The following AKIRIN2 variants were observed in gnomAD, a reference collection of about 807,000 sequenced individuals.
The protein encoded by AKIRIN2 is akirin 2.
Under a neutral mutation model 29.3 loss-of-function variants are expected in AKIRIN2, and 6 were observed. That is an observed-to-expected ratio of 0.20 (90% CI 0.11 to 0.40). The LOEUF (loss-of-function observed/expected upper bound fraction) is 0.40, where lower values mean the gene tolerates loss of function less well. AKIRIN2 is among the 10% of genes least tolerant of loss of function. AKIRIN2 has a pLI of 1.00. For synonymous variants in AKIRIN2, 128 were observed against 117.5 expected, an observed-to-expected ratio of 1.09 and a Z score of -0.58; for missense variants, 210 against 276.1, an observed-to-expected ratio of 0.76 and a Z score of 1.70.
intron 1 of AKIRIN2, among the ~76,000 whole-genome samples, chr6:87,691,334 G>A (rs2128302302): frequency 6.6e-6 from 1 of 151,496 alleles, no homozygotes; most frequent in East Asian, 1.9e-4. Flanking sequence ...CCAGCTACTT[G>A]GGTGGCTGAG....
intron 2 of AKIRIN2, among the ~76,000 whole-genome samples, chr6:87,681,146 T>G (rs1771112769): frequency 6.6e-6 from 1 of 152,166 alleles, no homozygotes; most frequent in Admixed American, 6.5e-5. Context: ...CAAGTGATTC[T>G]CATGCCTCAG....
At chr6:87,683,366 G>A (rs761215894) in intron 1 of AKIRIN2, among the ~76,000 whole-genome samples, 4 of 152,044 alleles carry the variant, frequency 2.6e-5, no homozygotes, top group Non-Finnish European at 4.4e-5. Flanking sequence ...TGTTTAATAC[G>A]GGTTATGCTC....
intron 1 of AKIRIN2, among the ~76,000 whole-genome samples, chr6:87,690,261 T>A (rs1435562165): frequency 6.6e-6 from 1 of 152,140 alleles, no homozygotes; most frequent in Non-Finnish European, 1.5e-5. Flanking sequence ...GAACATTTTT[T>A]AAAAAGTGGT....
chr6:87,699,153 T>G (rs1188559092), intron 1 of AKIRIN2, among the ~76,000 whole-genome samples: 1 of 152,144 alleles, frequency 6.6e-6, no homozygotes, highest in Non-Finnish European at 1.5e-5. Context: ...AGTTTAAGAA[T>G]AATCGGTGTT....
chr6:87,680,146 A>G (rs1771093824), intron 2 of AKIRIN2, among the ~76,000 whole-genome samples: 1 of 152,192 alleles, frequency 6.6e-6, no homozygotes, highest in South Asian at 2.1e-4. Context: ...TTTCCTGCTA[A>G]TACAGTCTAG....
In AKIRIN2 at chr6:87,701,436, G is replaced by A; in HGVS notation, c.235+14C>T. On this transcript the variant is annotated intron_variant, in intron 1 of 4. Coordinates refer to ENST00000257787, the MANE Select transcript of AKIRIN2 (RefSeq NM_018064.4). ...TCTCTCCACTACCCCGGCGGCCGCG[G>A]GGCCGGGTCCCACCTGTGGTGAGGC... 1 of 1,531,232 alleles carries A rather than the reference G, an allele frequency of 6.5e-7. No homozygotes were observed. Among genetic ancestry groups the A allele is most frequent in the Non-Finnish European group, 8.8e-7 (1 of 1,141,164 alleles). The allele number at this position is 1,531,232 out of a possible 1,614,324, so 94.9% of individuals were successfully genotyped here.
At chr6:87,699,785 T>C (rs1010336715) in intron 1 of AKIRIN2, among the ~76,000 whole-genome samples, 1 of 152,206 alleles carries the variant, frequency 6.6e-6, no homozygotes, top group African/African-American at 2.4e-5. Flanking sequence ...TAGTCCCCAA[T>C]TGTTCACATA....
At chr6:87,677,006 A>G (rs1771022023) in intron 3 of AKIRIN2, among the ~76,000 whole-genome samples, 1 of 149,316 alleles carries the variant, frequency 6.7e-6, no homozygotes, top group South Asian at 2.1e-4. Flanking sequence ...GAACCCGGAA[A>G]GTAGAGCTTG....
At chr6:87,676,618 C>T (rs13197815) in intron 3 of AKIRIN2, among the ~76,000 whole-genome samples, 1 of 107,772 alleles carries the variant, frequency 9.3e-6, no homozygotes, top group Non-Finnish European at 2.1e-5. Flanking sequence ...CACACACACA[C>T]ACACACACAA....
intron 3 of AKIRIN2, among the ~76,000 whole-genome samples, chr6:87,676,594 A>AC (rs1562395522): frequency 1.5e-5 from 1 of 66,004 alleles, no homozygotes; most frequent in African/African-American, 8.3e-5. Flanking sequence ...GTCTCTACTA[A>AC]AAACACACAC....
intron 1 of AKIRIN2, among the ~76,000 whole-genome samples, chr6:87,685,712 G>A (rs1429054484): frequency 6.6e-6 from 1 of 152,078 alleles, no homozygotes; most frequent in African/African-American, 2.4e-5. Context: ...CACACAAATG[G>A]CTATATATTC....
At chr6:87,680,560 C>T (rs1771103450) in intron 2 of AKIRIN2, among the ~76,000 whole-genome samples, 2 of 151,598 alleles carry the variant, frequency 1.3e-5, no homozygotes, top group Admixed American at 6.6e-5. Context: ...CATGAGCCAC[C>T]GCGCCCAGCC....
Position 87,677,927 on chromosome 6 carries a change from C to A in AKIRIN2, c.420G>T (p.Gln140His). ...CAACCTGCCGTAGAGTAAATAAGGG[C>A]TGTTCTTTTTTTAATGGTGAGGATG... ...SAASSPLKKE[Q>H]PLFTLRQVGM... Residue 140 changes from glutamine to histidine, a missense_variant, in exon 3 of 5, where the codon CAG (glutamine) becomes CAT (histidine). By Grantham distance (24) the Gln-to-His change is conservative. Transcript: ENST00000257787. 1 of 1,613,952 alleles carries A rather than the reference C, an allele frequency of 6.2e-7. No homozygotes were observed. Among genetic ancestry groups the A allele is most frequent in the East Asian group, 2.2e-5 (1 of 44,862 alleles).
At chr6:87,701,419 C>T in intron 1 of AKIRIN2, 31 bp downstream of exon 1, 9 of 1,530,798 alleles carry the variant, frequency 5.9e-6, no homozygotes, top group South Asian at 1.2e-5. Flanking sequence ...GTTCTCTCCA[C>T]TACCCCGGCG....
At chr6:87,682,508 G>A (rs1237234222) in intron 1 of AKIRIN2, among the ~76,000 whole-genome samples, 1 of 152,084 alleles carries the variant, frequency 6.6e-6, no homozygotes, top group Non-Finnish European at 1.5e-5. Context: ...AGGCCACTAT[G>A]ATTCATTTCA....
chr6:87,691,160 T>G (rs1050654101), intron 1 of AKIRIN2, among the ~76,000 whole-genome samples: 20 of 151,668 alleles, frequency 1.3e-4, no homozygotes, highest in African/African-American at 3.6e-4. Context: ...AAGTCCAAAT[T>G]AGGCTGGGCG....
chr6:87,681,574 C>T, intron 2 of AKIRIN2, 46 bp downstream of exon 2: 3 of 1,557,102 alleles, frequency 1.9e-6, no homozygotes, highest in Non-Finnish European at 2.6e-6. Context: ...TTAGACTTTT[C>T]CCACTCTAAA....
chr6:87,698,712 A>C (rs1226873304), intron 1 of AKIRIN2, among the ~76,000 whole-genome samples: 1 of 152,236 alleles, frequency 6.6e-6, no homozygotes, highest in East Asian at 1.9e-4. Flanking sequence ...CGGTTAAGAA[A>C]GCAAGCTTAA....
chr6:87,690,338 A>G (rs1771259372), intron 1 of AKIRIN2, among the ~76,000 whole-genome samples: 1 of 152,260 alleles, frequency 6.6e-6, no homozygotes. Flanking sequence ...GGTTATTACA[A>G]GTAGGAAAAT....
Sources: allele counts gnomAD v4.1 joint callset (sites outside exome capture counted in the v4.1 genomes callset), GRCh38; gene constraint gnomAD v4.1.1; transcripts MANE v1.5; gene names NCBI Gene and HGNC (gene_info 2026-07-23, HGNC 2026-07-21).